NEK5: variants seen among roughly 807,000 people sequenced by gnomAD.
NEK5 encodes NIMA related kinase 5.
Under a neutral mutation model 109.2 loss-of-function variants are expected in NEK5, and 88 were observed. That is an observed-to-expected ratio of 0.81 (90% CI 0.68 to 0.96). The LOEUF is 0.96. NEK5 is among the 40% of genes least tolerant of loss of function. NEK5 has a pLI of 0.00. For synonymous variants in NEK5, 283 were observed against 299.9 expected (o/e 0.94, Z 0.58); for missense variants, 834 against 920.7 (o/e 0.91, Z 1.22).
chr13:52,103,297 G>A (rs1955580059), intron 9 of NEK5, among the ~76,000 whole-genome samples: 1 of 152,202 alleles, frequency 6.6e-6, no homozygotes, highest in Admixed American at 6.5e-5. Flanking sequence ...CGGGTGTGGT[G>A]GTGGGTGCCT....
intron 22 of NEK5, among the ~76,000 whole-genome samples, chr13:52,058,864 A>G (rs1388990604): frequency 6.6e-6 from 1 of 152,152 alleles, no homozygotes; most frequent in African/African-American, 2.4e-5. Flanking sequence ...AAGAAAACCT[A>G]GGCTTTACCA....
rs1208986990 is a variant in NEK5, at chr13:52,086,149, A to G, written c.1479+128T>C. 5 of 697,040 alleles carry G rather than the reference A, an allele frequency of 7.2e-6. No individual in the cohort carries two copies. In the Admixed American group the frequency reaches 1.4e-4, roughly 19 times the overall value. The allele number at this position is 697,040 out of a possible 1,614,324, so 43.2% of individuals were successfully genotyped here. On this transcript the variant is annotated intron_variant, in intron 16 of 23. Coordinates refer to ENST00000684899, the MANE Select transcript of NEK5 (RefSeq NM_001365552.1). ...CTGACAGCTTTCCTATTAAAAAAGA[A>G]GTCTACATGATTATCTCTATGATAA...
chr13:52,049,437 A>AATG (rs1954485206), intron 23 of NEK5, among the ~76,000 whole-genome samples: 1 of 151,912 alleles, frequency 6.6e-6, no homozygotes, highest in Admixed American at 6.6e-5. Context: ...TAATAATAAT[A>AATG]ATAATAATAA....
chr13:52,063,641 C>T lies in NEK5; in HGVS notation c.1976-1688G>A, dbSNP rs576612597. Among the ~76,000 whole-genome samples the T allele has an allele frequency of 2.0e-4, 30 of 151,540 alleles. 1 individual carries two copies. The South Asian group carries it at 5.0e-3, about 25-fold the overall frequency. On this transcript the variant is annotated intron_variant, in intron 21 of 23. Coordinates refer to ENST00000684899, the MANE Select transcript of NEK5 (RefSeq NM_001365552.1). ...CTAGGAAGTGAGGAGCATCTCTGCC[C>T]GGCCACCCATCGTCTGAGATGTGGG...
chr13:52,123,798 T>C (rs979208295), intron 3 of NEK5, among the ~76,000 whole-genome samples: 1 of 147,836 alleles, frequency 6.8e-6, no homozygotes, highest in Non-Finnish European at 1.5e-5. Flanking sequence ...ATAAATTCTT[T>C]AGAGTGGGAG....
intron 13 of NEK5, among the ~76,000 whole-genome samples, chr13:52,092,091 C>A (rs960993944): frequency 2.0e-5 from 3 of 151,996 alleles, no homozygotes; most frequent in Non-Finnish European, 2.9e-5. Flanking sequence ...TGGGTCTGTG[C>A]CTACAGTTAA....
At chr13:52,083,096 A>G (rs1955046890) in intron 17 of NEK5, among the ~76,000 whole-genome samples, 164 bp downstream of exon 17, 1 of 152,146 alleles carries the variant, frequency 6.6e-6, no homozygotes, top group African/African-American at 2.4e-5. Context: ...CAGTGAGCCA[A>G]GATCGCACGA....
chr13:52,092,884 C>T (rs1239019435), intron 13 of NEK5, among the ~76,000 whole-genome samples, 170 bp downstream of exon 13: 1 of 152,034 alleles, frequency 6.6e-6, no homozygotes, highest in Admixed American at 6.6e-5. Context: ...AGACTGTCTA[C>T]AAAAGCAAAC....
intron 3 of NEK5, among the ~76,000 whole-genome samples, chr13:52,122,668 G>T (rs1594008318): frequency 6.6e-6 from 1 of 152,262 alleles, no homozygotes; most frequent in East Asian, 1.9e-4. Flanking sequence ...TCAGGAGGCT[G>T]AGGCAGGAGA....
intron 20 of NEK5, among the ~76,000 whole-genome samples, chr13:52,070,335 A>T (rs1303649513): frequency 6.6e-6 from 1 of 152,228 alleles, no homozygotes; most frequent in Admixed American, 6.5e-5. Flanking sequence ...ATCCAAAAAA[A>T]AATCTGAGCA....
intron 23 of NEK5, among the ~76,000 whole-genome samples, chr13:52,045,223 C>T (rs1482742007): frequency 4.1e-5 from 6 of 147,762 alleles, no homozygotes; most frequent in African/African-American, 1.2e-4. Context: ...TCTGCCTCCC[C>T]GGTTCACGCC....
At chr13:52,111,580 C>A (rs1184294168) in intron 5 of NEK5, among the ~76,000 whole-genome samples, 1 of 152,032 alleles carries the variant, frequency 6.6e-6, no homozygotes, top group Non-Finnish European at 1.5e-5. Context: ...AACAAAGAAA[C>A]AATGGCCAAA....
chr13:52,091,114 G>C (rs1309744817), intron 13 of NEK5, among the ~76,000 whole-genome samples: 2 of 152,162 alleles, frequency 1.3e-5, no homozygotes, highest in Non-Finnish European at 2.9e-5. Context: ...AGTATACAAA[G>C]AGGAGGGGTT....
At chr13:52,064,515 G>A (rs1456938005) in intron 21 of NEK5, among the ~76,000 whole-genome samples, 14 of 149,346 alleles carry the variant, frequency 9.4e-5, no homozygotes, top group South Asian at 4.3e-4. Flanking sequence ...TCAGCCCCCC[G>A]CCTGGCCAGC....
At position 52,058,267 on chromosome 13, in the gene NEK5, G is replaced by C. The variant is rs1954580116; in HGVS notation, c.2110+3552C>G. Among the ~76,000 whole-genome samples the C allele has an allele frequency of 1.1e-4, 15 of 142,380 alleles. No homozygotes were observed. In the South Asian group the frequency reaches 1.2e-3, roughly 12 times the overall value. 93.4% of individuals were successfully genotyped at this position (142,380 alleles called of 152,430 possible). A position where few individuals can be genotyped will look rare whatever the true frequency, so the allele number is the denominator to read the frequency against. On this transcript the variant is annotated intron_variant, in intron 22 of 23. Transcript: ENST00000684899. ...CAAGGGATGTGAAGGACCTCTTCAAGGAGAACTACAAACCACTGCTCAAGG... is the reference window on the plus strand; with the variant it reads ...CAAGGGATGTGAAGGACCTCTTCAACGAGAACTACAAACCACTGCTCAAGG...
intron 16 of NEK5, among the ~76,000 whole-genome samples, chr13:52,085,127 T>A (rs1200347703): frequency 6.6e-6 from 1 of 152,172 alleles, no homozygotes; most frequent in Non-Finnish European, 1.5e-5. Flanking sequence ...CAGGTGGAGA[T>A]AACTGAATCA....
At chr13:52,084,736 A>AGT (rs1955088937) in intron 16 of NEK5, among the ~76,000 whole-genome samples, 17 of 90,218 alleles carry the variant, frequency 1.9e-4, no homozygotes, top group African/African-American at 5.1e-4. Context: ...AGAGAGAGTG[A>AGT]GAGAGAGAGA....
At chr13:52,045,501 C>T (rs1377511239) in intron 23 of NEK5, among the ~76,000 whole-genome samples, 2 of 150,640 alleles carry the variant, frequency 1.3e-5, no homozygotes, top group Non-Finnish European at 3.0e-5. Flanking sequence ...CACGGTGGCG[C>T]ACGCCTGTAA....
At chr13:52,063,274 T>C (rs1723870663) in intron 21 of NEK5, among the ~76,000 whole-genome samples, 1 of 152,214 alleles carries the variant, frequency 6.6e-6, no homozygotes, top group South Asian at 2.1e-4. Flanking sequence ...GGGGTTTCGC[T>C]GTGTTGGCCG....
Sources: gnomAD v4.1 joint callset for allele counts (sites outside exome capture counted in the v4.1 genomes callset) on GRCh38, gnomAD v4.1.1 for gene constraint, MANE v1.5 for transcripts, NCBI Gene and HGNC (gene_info 2026-07-23, HGNC 2026-07-21) for gene names.